Variants in NOX3 observed in about 807,000 individuals in gnomAD.
NOX3 encodes NADPH oxidase catalytic subunit-like 3.
A neutral mutation model predicts 76.7 loss-of-function variants in NOX3; 74 were observed. That is an observed-to-expected ratio of 0.96 (90% CI 0.80 to 1.17). NOX3 has a LOEUF of 1.17. Among genes scored for constraint, NOX3 ranks in the 50% most tolerant of loss-of-function variants. The pLI is 0.00. For missense variants in NOX3, 695 were observed against 703.3 expected (o/e 0.99, Z 0.13); for synonymous variants, 263 against 261.1 (o/e 1.01, Z -0.07).
intron 12 of NOX3, among the ~76,000 whole-genome samples, chr6:155,405,471 G>T (rs1776437497): frequency 6.6e-6 from 1 of 152,106 alleles, no homozygotes; most frequent in Non-Finnish European, 1.5e-5. Flanking sequence ...GCTCCAAACA[G>T]TCCATGTGCT....
At position 155,396,949 on chromosome 6, in the gene NOX3, C is replaced by T. The variant is rs146500263; in HGVS notation, c.1594G>A (p.Val532Met). Residue 532 changes from valine to methionine, a missense_variant, in exon 13 of 14, where the codon GTG (valine) becomes ATG (methionine). Val to Met is a conservative substitution (Grantham distance 21). Transcript: ENST00000159060. ...AGAGCTTTAGGTCCACAGAAGAACACGCCAATACTGCTGCTGCAGTAGGGG... is the reference window on the plus strand; with the variant it reads ...AGAGCTTTAGGTCCACAGAAGAACATGCCAATACTGCTGCTGCAGTAGGGG... ...AYNHPSSSIG[V>M]FFCGPKALSR... 4.0e-5 allele frequency: 65 copies of T among 1,609,848 alleles called. No homozygotes were observed. The highest frequency in any genetic ancestry group is 6.8e-5 in the Admixed American group (4 of 59,256).
At chr6:155,424,393 A>G (rs1431392830) in intron 9 of NOX3, among the ~76,000 whole-genome samples, 1 of 152,234 alleles carries the variant, frequency 6.6e-6, no homozygotes, top group East Asian at 1.9e-4. Context: ...GAATGTTTAA[A>G]ATATTTCAGT....
At position 155,449,976 on chromosome 6, in the gene NOX3, G is replaced by A. The variant is rs570018328; in HGVS notation, c.340+3428C>T. On this transcript the variant is annotated intron_variant, in intron 4 of 13. Transcript: ENST00000159060. Reference sequence around the variant, plus strand: ...CCTCCCAAAAGCGCAGTTGCCAGACGCATTTCTTCGTTCATGTGAAATGTA... The same window carrying A: ...CCTCCCAAAAGCGCAGTTGCCAGACACATTTCTTCGTTCATGTGAAATGTA... Among the ~76,000 whole-genome samples the A allele has an allele frequency of 5.8e-4, 88 of 152,324 alleles. 1 individual carries two copies. The highest frequency in any genetic ancestry group is 1.9e-3 in the African/African-American group (80 of 41,590).
intron 9 of NOX3, among the ~76,000 whole-genome samples, chr6:155,424,912 T>C (rs921497051): frequency 6.6e-6 from 1 of 152,222 alleles, no homozygotes; most frequent in African/African-American, 2.4e-5. Flanking sequence ...CAAGAAGAAT[T>C]TTGTAAATTA....
At chr6:155,404,092 G>A (rs1401098541) in intron 12 of NOX3, among the ~76,000 whole-genome samples, 4 of 147,250 alleles carry the variant, frequency 2.7e-5, no homozygotes, top group Non-Finnish European at 5.9e-5. Context: ...AAAACCGAAC[G>A]TAAAACATTT....
chr6:155,451,764 A>G (rs1777147215), intron 4 of NOX3, among the ~76,000 whole-genome samples: 1 of 152,056 alleles, frequency 6.6e-6, no homozygotes, highest in African/African-American at 2.4e-5. Flanking sequence ...AGCTGGGACT[A>G]TAGGCATGCA....
chr6:155,403,674 A>G (rs953955501), intron 12 of NOX3, among the ~76,000 whole-genome samples: 1 of 152,188 alleles, frequency 6.6e-6, no homozygotes, highest in Non-Finnish European at 1.5e-5. Flanking sequence ...AGGGAAAGTG[A>G]TGGTAATACA....
chr6:155,428,772 C>CTGCAAAGTATATTGCAGT, intron 9 of NOX3, 22 bp downstream of exon 9: 2 of 1,468,422 alleles, frequency 1.4e-6, no homozygotes, highest in South Asian at 3.1e-5. Flanking sequence ...GCAATTTATA[C>CTGCAAAGTATATTGCAGT]ATGAGAGAAA....
intron 12 of NOX3, among the ~76,000 whole-genome samples, chr6:155,400,114 G>T (rs1373746339): frequency 2.0e-5 from 3 of 152,186 alleles, no homozygotes; most frequent in Non-Finnish European, 4.4e-5. Flanking sequence ...TAACTATTGT[G>T]CTCTTCTCTG....
At chr6:155,408,738 G>C (rs1315602948) in intron 11 of NOX3, among the ~76,000 whole-genome samples, 1 of 152,090 alleles carries the variant, frequency 6.6e-6, no homozygotes, top group Admixed American at 6.5e-5. Context: ...CAAAGAAAAC[G>C]TGTTATATAC....
chr6:155,430,207 T>G (rs892468916), intron 8 of NOX3, among the ~76,000 whole-genome samples: 1 of 152,106 alleles, frequency 6.6e-6, no homozygotes, highest in Admixed American at 6.5e-5. Flanking sequence ...GGCATGCATT[T>G]TTTTGGTCTT....
Position 155,443,338 on chromosome 6 carries a change from C to T in NOX3, c.421G>A (p.Ala141Thr), listed in dbSNP as rs142034685. ...QSEEAQGLLA[A>T]LSKLGNTPNE... ...GGGGTGTTGCCCAGCTTGGAAAGTG[C>T]GGCCAGAAGTCCCTGGGCCTCCTCG... Residue 141 changes from alanine to threonine, a missense_variant, in exon 5 of 14, where the codon GCA (alanine) becomes ACA (threonine). By Grantham distance (58) the Ala-to-Thr change is moderately conservative. Coordinates refer to ENST00000159060, the MANE Select transcript of NOX3 (RefSeq NM_015718.3). 64 of 1,614,046 alleles carry T rather than the reference C, an allele frequency of 4.0e-5. No homozygotes were observed. The highest frequency in any genetic ancestry group is 4.3e-5 in the Non-Finnish European group (51 of 1,179,970).
intron 10 of NOX3, among the ~76,000 whole-genome samples, chr6:155,419,703 C>T (rs538229232): frequency 6.6e-6 from 1 of 151,998 alleles, no homozygotes; most frequent in African/African-American, 2.4e-5. Context: ...CCTTGAGAAA[C>T]GCCACAAGCA....
intron 10 of NOX3, among the ~76,000 whole-genome samples, chr6:155,413,958 T>C (rs1040321604): frequency 2.6e-5 from 4 of 152,232 alleles, no homozygotes; most frequent in Non-Finnish European, 5.9e-5. Context: ...CCTCCGTACA[T>C]GAAACTTTAT....
chr6:155,438,694 A>G (rs1179354956), intron 6 of NOX3, among the ~76,000 whole-genome samples: 1 of 152,248 alleles, frequency 6.6e-6, no homozygotes, highest in Non-Finnish European at 1.5e-5. Context: ...CATGGGACCC[A>G]GAGTCACCAA....
In NOX3 at chr6:155,398,404, C is replaced by T. The variant is rs1449523109; in HGVS notation, c.1581-1442G>A. On this transcript the variant is annotated intron_variant, in intron 12 of 13. Coordinates refer to ENST00000159060, the MANE Select transcript of NOX3 (RefSeq NM_015718.3). ...TCTTGCTGGGAAGTGCCTATAGAGC[C>T]TAGTTCTTCTTAGCTCATATGTTAA... 3.3e-5 allele frequency among the ~76,000 whole-genome samples: 5 copies of T among 152,150 alleles called. No homozygotes were observed. In the South Asian group the frequency reaches 1.0e-3, roughly 32 times the overall value.
chr6:155,421,154 C>T (rs571295784), intron 10 of NOX3, among the ~76,000 whole-genome samples: 3 of 152,258 alleles, frequency 2.0e-5, no homozygotes, highest in South Asian at 4.1e-4. Context: ...CTGGGGGTCA[C>T]GTCTACCATG....
chr6:155,455,378 T>C (rs1392261750), intron 1 of NOX3, among the ~76,000 whole-genome samples: 2 of 152,234 alleles, frequency 1.3e-5, no homozygotes, highest in Admixed American at 6.5e-5. Context: ...CTACAAAACC[T>C]TCTTAATCAA....
At chr6:155,448,636 T>A (rs568096869) in intron 4 of NOX3, among the ~76,000 whole-genome samples, 5 of 103,126 alleles carry the variant, frequency 4.8e-5, no homozygotes, top group Admixed American at 4.1e-4. Context: ...CATTGAAGAG[T>A]GAACCAAAAA....
Sources: allele counts gnomAD v4.1 joint callset (sites outside exome capture counted in the v4.1 genomes callset), GRCh38; gene constraint gnomAD v4.1.1; transcripts MANE v1.5; gene names NCBI Gene and HGNC (gene_info 2026-07-23, HGNC 2026-07-21).